F8: variants seen among roughly 807,000 people sequenced by gnomAD.
F8 encodes the protein antihemophilic factor.
A neutral mutation model predicts 140.6 loss-of-function variants in F8; 12 were observed. The ratio of observed to expected loss-of-function variants is 0.09; its 90% confidence interval spans 0.05 to 0.14. The LOEUF is 0.14. Ranked by LOEUF, F8 falls within the 10% of genes least tolerant of loss-of-function variation. The probability of loss-of-function intolerance (pLI) is 1.00; values close to 1 mark genes in which losing one functional copy is unlikely to be tolerated. For missense variants in F8, 1,354 were observed against 1,720.7 expected (o/e 0.79, Z 3.77); for synonymous variants, 585 against 614.6 (o/e 0.95, Z 0.71).
intron 22 of F8, among the ~76,000 whole-genome samples, chrX:154,876,676 A>G (rs1341746391): frequency 2.7e-5 from 3 of 111,291 alleles, no homozygotes; most frequent in Non-Finnish European, 5.7e-5. Flanking sequence ...TTGACCTTCT[A>G]TTTATGGCCT....
Position 154,837,530 on chromosome X carries a change from G to C in F8, c.*67C>G. ...GCACAAAGGTAGAAGGCAAGCCAGGGAGGGACACTGCCCTGGAGCTGAGGA... is the reference window on the plus strand; with the variant it reads ...GCACAAAGGTAGAAGGCAAGCCAGGCAGGGACACTGCCCTGGAGCTGAGGA... On this transcript the variant is annotated 3_prime_UTR_variant, in exon 26 of 26. Coordinates refer to ENST00000360256, the MANE Select transcript of F8 (RefSeq NM_000132.4). The C allele has an allele frequency of 8.8e-7, 1 of 1,134,020 alleles. No homozygotes were observed. The allele number at this position is 1,134,020 out of a possible 1,213,427, so 93.5% of individuals were successfully genotyped here.
rs2073422311 is a variant in F8 at position 154,966,145 on chromosome X, T to C, written c.1272-4A>G. The C allele has an allele frequency of 2.5e-6, 3 of 1,205,171 alleles. No individual in the cohort carries two copies. Among genetic ancestry groups the C allele is most frequent in the Non-Finnish European group, 3.4e-6 (3 of 892,720 alleles). On this transcript the variant is annotated splice_region_variant and splice_polypyrimidine_tract_variant and intron_variant, in intron 8 of 25. Transcript: ENST00000360256. ...CAAATATTGACTTTTATAACTTCTG[T>C]ATAAGAGAAAAAAAGATGAGAGGTT... is the stretch of plus-strand genomic sequence containing the variant.
chrX:154,982,161 G>C (rs2073527808), intron 6 of F8, among the ~76,000 whole-genome samples: 1 of 108,927 alleles, frequency 9.2e-6, no homozygotes, highest in African/African-American at 3.4e-5. Flanking sequence ...TCCAGCCTGG[G>C]TGACAGAACA....
chrX:154,939,336 C>T (rs188044045), intron 13 of F8, among the ~76,000 whole-genome samples: 5,980 of 112,404 alleles, frequency 0.053, 186 homozygotes, highest in Non-Finnish European at 0.085. Flanking sequence ...GCTCTTCCAA[C>T]GGGCTTAACA....
chrX:154,971,754 A>G (rs782601364), intron 6 of F8, among the ~76,000 whole-genome samples: 1 of 111,786 alleles, frequency 8.9e-6, no homozygotes, highest in Non-Finnish European at 1.9e-5. Context: ...AAGATTGTAC[A>G]TAGGACTGAG....
intron 22 of F8, among the ~76,000 whole-genome samples, chrX:154,881,655 A>C (rs2072862298): frequency 9.3e-6 from 1 of 107,233 alleles, no homozygotes; most frequent in Non-Finnish European, 1.9e-5. Context: ...GACAAAACGC[A>C]GTACCCTTTC....
At chrX:154,838,163 C>A (rs182259820) in intron 25 of F8, among the ~76,000 whole-genome samples, 1 of 112,228 alleles carries the variant, frequency 8.9e-6, no homozygotes, top group Non-Finnish European at 1.9e-5. Flanking sequence ...AAACTGGTTT[C>A]GCACATGTTG....
chrX:154,959,664 G>A (rs191255586), intron 10 of F8, among the ~76,000 whole-genome samples: 7 of 111,007 alleles, frequency 6.3e-5, no homozygotes, highest in Admixed American at 4.8e-4. Context: ...ATTAACCAAC[G>A]TCTCCCTATT....
chrX:154,955,165 C>CT (rs1185466045), intron 11 of F8, among the ~76,000 whole-genome samples: 2,995 of 36,060 alleles, frequency 0.083, 942 homozygotes, highest in Admixed American at 0.096. Flanking sequence ...ATTTATTAAG[C>CT]TTTTTTTTTT....
At chrX:154,995,352 G>A (rs1557285010) in intron 3 of F8, among the ~76,000 whole-genome samples, 1 of 111,833 alleles carries the variant, frequency 8.9e-6, no homozygotes, top group African/African-American at 3.3e-5. Context: ...AGAATGGCTA[G>A]GCAATGCTGA....
rs1435491883 is a variant in F8, at chrX:154,956,946, C to T, written c.1752+11G>A. 1 of 1,199,250 alleles carries T rather than the reference C, an allele frequency of 8.3e-7. No individual in the cohort carries two copies. The highest frequency in any genetic ancestry group is 1.8e-5 in the African/African-American group (1 of 56,988). On this transcript the variant is annotated intron_variant, in intron 11 of 25. Coordinates refer to ENST00000360256, the MANE Select transcript of F8 (RefSeq NM_000132.4). The stretch of plus-strand genomic sequence containing the variant: ...GAATGAAACCCAGCACTTGGAAAGG[C>T]AAGAACTCACCTGGTTTCCTCTTTG...
chrX:154,969,624 G>A, intron 6 of F8, 72 bp from the exon 7 acceptor site: 1 of 945,671 alleles, frequency 1.1e-6, no homozygotes, highest in Non-Finnish European at 1.5e-6. Flanking sequence ...TGCTAGGACA[G>A]AATGGACAAA....
intron 12 of F8, among the ~76,000 whole-genome samples, chrX:154,952,508 A>G (rs1365769720): frequency 3.6e-5 from 4 of 110,277 alleles, no homozygotes; most frequent in African/African-American, 1.3e-4. Context: ...AACTCACATT[A>G]TAACTTTTCA....
intron 22 of F8, among the ~76,000 whole-genome samples, chrX:154,867,708 AAAAG>A (rs1569559348): frequency 9.6e-6 from 1 of 104,007 alleles, no homozygotes; most frequent in African/African-American, 3.5e-5. Context: ...AAAAAAAAAA[AAAAG>A]AAAGAAAAAG....
At position 154,836,706 on chromosome X, in the gene F8, T is replaced by C. The variant is rs1022856222; in HGVS notation, c.*891A>G. ...ACAGAAATATTAAATGTATGTCCTT[T>C]AGAAGCCTAATGTCATCATCATTTT... On this transcript the variant is annotated 3_prime_UTR_variant, in exon 26 of 26. Transcript: ENST00000360256. 2.7e-5 allele frequency: 3 copies of C among 111,995 alleles called. No individual in the cohort carries two copies. The highest frequency in any genetic ancestry group is 6.5e-5 in the African/African-American group (2 of 30,811). The allele number at this position is 111,995 out of a possible 1,213,427, so 9.2% of individuals were successfully genotyped here. A position where few individuals can be genotyped will look rare whatever the true frequency, so the allele number is the denominator to read the frequency against.
chrX:154,924,784 C>T (rs1006003395), intron 14 of F8, among the ~76,000 whole-genome samples: 7 of 112,420 alleles, frequency 6.2e-5, no homozygotes, highest in Admixed American at 3.7e-4. Flanking sequence ...TCTGTGCACT[C>T]GCAGGCTCAA....
chrX:154,983,753 C>T (rs782258303), intron 6 of F8, among the ~76,000 whole-genome samples: 1 of 112,154 alleles, frequency 8.9e-6, no homozygotes, highest in East Asian at 2.8e-4. Context: ...AAACCTGCTA[C>T]AGCATGGTGC....
intron 1 of F8, among the ~76,000 whole-genome samples, chrX:155,013,104 C>T (rs1257428685): frequency 1.0e-5 from 1 of 99,863 alleles, no homozygotes; most frequent in Admixed American, 1.1e-4. Context: ...CGAGATCGCA[C>T]CACTGCACTC....
intron 22 of F8, among the ~76,000 whole-genome samples, chrX:154,890,758 C>T (rs2072937924): frequency 8.9e-6 from 1 of 112,089 alleles, no homozygotes; most frequent in Non-Finnish European, 1.9e-5. Context: ...AGCCTAGTAT[C>T]TCTCACTAAA....
Sources: gnomAD v4.1 joint callset for allele counts (sites outside exome capture counted in the v4.1 genomes callset) on GRCh38, gnomAD v4.1.1 for gene constraint, MANE v1.5 for transcripts, NCBI Gene and HGNC (gene_info 2026-07-23, HGNC 2026-07-21) for gene names.